SLC24A2: variants seen among roughly 807,000 people sequenced by gnomAD.
The protein encoded by SLC24A2 is sodium/potassium/calcium exchanger 2.
A neutral mutation model predicts 62.0 loss-of-function variants in SLC24A2; 36 were observed. That is an observed-to-expected ratio of 0.58 (90% CI 0.44 to 0.77). The LOEUF (loss-of-function observed/expected upper bound fraction) is 0.77, where lower values mean the gene tolerates loss of function less well. Ranked by LOEUF, SLC24A2 falls within the 30% of genes least tolerant of loss-of-function variation. The probability of loss-of-function intolerance (pLI) is 0.00; values close to 1 mark genes in which losing one functional copy is unlikely to be tolerated. For synonymous variants in SLC24A2, 358 were observed against 294.0 expected (o/e 1.22, Z -2.23); for missense variants, 846 against 817.9 (o/e 1.03, Z -0.42).
chr9:19,801,259 G>C, the SLC24A2 span, among the ~76,000 whole-genome samples: 35 of 152,230 alleles, frequency 2.3e-4, no homozygotes, highest in Non-Finnish European at 4.7e-4. Flanking sequence ...CCAGTGACTA[G>C]TGTTCAGCTC....
At chr9:19,520,389 C>CA (rs1563928086) in intron 10 of SLC24A2, among the ~76,000 whole-genome samples, 1 of 152,116 alleles carries the variant, frequency 6.6e-6, no homozygotes, top group African/African-American at 2.4e-5. Context: ...TTCTGGCTTT[C>CA]AAAAAACCTG....
chr9:19,924,648 C>T, the SLC24A2 span, among the ~76,000 whole-genome samples: 1 of 152,144 alleles, frequency 6.6e-6, no homozygotes, highest in Non-Finnish European at 1.5e-5. Flanking sequence ...TGTCTTATGG[C>T]TCAAAATAAA....
At chr9:20,017,340 A>G in the SLC24A2 span, among the ~76,000 whole-genome samples, 1 of 152,172 alleles carries the variant, frequency 6.6e-6, no homozygotes, top group Non-Finnish European at 1.5e-5. Context: ...AAATTATTCT[A>G]AACATAACAC....
intron 4 of SLC24A2, among the ~76,000 whole-genome samples, chr9:19,609,360 G>C (rs927507271): frequency 6.6e-6 from 1 of 152,182 alleles, no homozygotes; most frequent in Non-Finnish European, 1.5e-5. Flanking sequence ...CCCCTCCAGG[G>C]CCACCTCAGA....
the SLC24A2 span, among the ~76,000 whole-genome samples, chr9:19,959,141 T>C: frequency 6.6e-6 from 1 of 152,104 alleles, no homozygotes; most frequent in East Asian, 1.9e-4. Flanking sequence ...AGATTAAGGC[T>C]AGAGATAATT....
chr9:19,676,908 A>G lies in SLC24A2; in HGVS notation c.931-54609T>C, dbSNP rs1819578982. Among the ~76,000 whole-genome samples the G allele has an allele frequency of 2.0e-5, 3 of 152,242 alleles. No individual in the cohort carries two copies. In the South Asian group the frequency reaches 6.2e-4, roughly 32 times the overall value. On this transcript the variant is annotated intron_variant, in intron 2 of 10. Transcript: ENST00000341998. ...CCATCTCACACCAGTCAGAATGGCTATTAATAAAAAGTTAAAAAATAACAG... is the reference window on the plus strand; with the variant it reads ...CCATCTCACACCAGTCAGAATGGCTGTTAATAAAAAGTTAAAAAATAACAG...
At chr9:19,560,143 TTTC>T (rs748861838) in intron 7 of SLC24A2, among the ~76,000 whole-genome samples, 1 of 152,190 alleles carries the variant, frequency 6.6e-6, no homozygotes, top group Non-Finnish European at 1.5e-5. Flanking sequence ...ATCATTTGCT[TTTC>T]TTCTTTGAAA....
chr9:19,809,840 T>A, the SLC24A2 span, among the ~76,000 whole-genome samples: 1 of 152,126 alleles, frequency 6.6e-6, no homozygotes, highest in East Asian at 1.9e-4. Flanking sequence ...GTCTTTCCTC[T>A]TGGAAGTTCC....
At chr9:20,262,226 A>G in the SLC24A2 span, among the ~76,000 whole-genome samples, 1 of 152,178 alleles carries the variant, frequency 6.6e-6, no homozygotes, top group South Asian at 2.1e-4. Context: ...TGACATCCCC[A>G]AAGGAGAAAG....
At chr9:19,832,447 G>GAAATTTC in the SLC24A2 span, among the ~76,000 whole-genome samples, 1 of 152,176 alleles carries the variant, frequency 6.6e-6, no homozygotes, top group Non-Finnish European at 1.5e-5. Context: ...GTGTAGACTA[G>GAAATTTC]AAATTTCAAA....
chr9:19,518,417 T>G (rs985757291), intron 10 of SLC24A2, among the ~76,000 whole-genome samples: 2 of 151,570 alleles, frequency 1.3e-5, no homozygotes, highest in African/African-American at 4.8e-5. Flanking sequence ...TTCTTTTTCT[T>G]TTCTTTTCTT....
At chr9:19,644,339 T>C (rs528770916) in intron 2 of SLC24A2, among the ~76,000 whole-genome samples, 41 of 152,324 alleles carry the variant, frequency 2.7e-4, no homozygotes, top group African/African-American at 9.1e-4. Context: ...TAAGTAGATA[T>C]GTTTGTAATT....
chr9:20,042,771 G>C, the SLC24A2 span, among the ~76,000 whole-genome samples: 32 of 152,232 alleles, frequency 2.1e-4, no homozygotes, highest in African/African-American at 7.2e-4. Context: ...TCATGTCTCT[G>C]TGTCATGTTT....
the SLC24A2 span, among the ~76,000 whole-genome samples, chr9:20,198,314 G>T: frequency 6.6e-6 from 1 of 152,190 alleles, no homozygotes; most frequent in Non-Finnish European, 1.5e-5. Flanking sequence ...CTTTGGAGGC[G>T]GGTGGCTGCC....
chr9:20,163,168 C>G, the SLC24A2 span, among the ~76,000 whole-genome samples: 1 of 151,826 alleles, frequency 6.6e-6, no homozygotes, highest in Non-Finnish European at 1.5e-5. Context: ...GGGTATTCAA[C>G]TAGGAAAAGA....
At chr9:19,526,213 T>A (rs1054282873) in intron 9 of SLC24A2, among the ~76,000 whole-genome samples, 1 of 152,252 alleles carries the variant, frequency 6.6e-6, no homozygotes, top group African/African-American at 2.4e-5. Flanking sequence ...TAATATTCCA[T>A]TGTATGGATA....
intron 10 of SLC24A2, 139 bp downstream of exon 10, chr9:19,520,755 A>G (rs1833157443): frequency 6.3e-6 from 5 of 791,216 alleles, no homozygotes; most frequent in South Asian, 5.9e-5. Context: ...GGGAAATGCA[A>G]TGGTATTCTC....
At chr9:20,004,588 C>T in the SLC24A2 span, among the ~76,000 whole-genome samples, 1 of 152,142 alleles carries the variant, frequency 6.6e-6, no homozygotes, top group African/African-American at 2.4e-5. Context: ...TAGTGGATTT[C>T]ACCATATACA....
chr9:19,843,863 T>C, the SLC24A2 span, among the ~76,000 whole-genome samples: 1 of 152,220 alleles, frequency 6.6e-6, no homozygotes, highest in Non-Finnish European at 1.5e-5. Context: ...TTTCATTCTA[T>C]TTTATGGCTG....
Sources: allele counts gnomAD v4.1 joint callset (sites outside exome capture counted in the v4.1 genomes callset), GRCh38; gene constraint gnomAD v4.1.1; transcripts MANE v1.5; gene names NCBI Gene and HGNC (gene_info 2026-07-23, HGNC 2026-07-21).